LIMK1: variants seen among roughly 807,000 people sequenced by gnomAD.
LIMK1 encodes the protein LIM domain kinase 1.
A neutral mutation model predicts 77.6 loss-of-function variants in LIMK1; 21 were observed. The ratio of observed to expected loss-of-function variants is 0.27; its 90% confidence interval spans 0.19 to 0.39. The LOEUF is 0.39. Ranked by LOEUF, LIMK1 falls within the 10% of genes least tolerant of loss-of-function variation. The pLI, the probability that LIMK1 is intolerant of heterozygous loss-of-function variation, is 1.00. For synonymous variants in LIMK1, 358 were observed against 370.0 expected (o/e 0.97, Z 0.37); for missense variants, 696 against 901.6 (o/e 0.77, Z 2.92).
chr7:74,114,148 A>C (rs1418739612), intron 12 of LIMK1, among the ~76,000 whole-genome samples: 2 of 151,660 alleles, frequency 1.3e-5, no homozygotes, highest in African/African-American at 4.8e-5. Context: ...TACTCATGAG[A>C]CTGAGGCAGA....
rs146381292 is a variant in LIMK1 at position 74,102,649 on chromosome 7, A to G, written c.609-3226A>G. 1.7e-3 allele frequency among the ~76,000 whole-genome samples: 253 copies of G among 151,252 alleles called. 1 individual carries two copies. Among genetic ancestry groups the G allele is most frequent in the African/African-American group, 6.0e-3 (249 of 41,358 alleles). On this transcript the variant is annotated intron_variant, in intron 5 of 15. Coordinates refer to ENST00000336180, the MANE Select transcript of LIMK1 (RefSeq NM_002314.4). ...CAGGCACGGGCCACCACGCCTGGCT[A>G]GGCATTCTGTTATGTAATTATCAAT... is the stretch of plus-strand genomic sequence containing the variant.
chr7:74,087,389 G>A (rs1283929190), intron 2 of LIMK1, among the ~76,000 whole-genome samples: 1 of 152,076 alleles, frequency 6.6e-6, no homozygotes. Flanking sequence ...GGGCAATAGA[G>A]CGAGACCCAG....
intron 1 of LIMK1, among the ~76,000 whole-genome samples, chr7:74,084,982 G>C (rs575740043): frequency 3.3e-5 from 5 of 152,334 alleles, no homozygotes; most frequent in African/African-American, 9.6e-5. Context: ...GGGTCAGGCT[G>C]TTGTGGCCTT....
intron 5 of LIMK1, among the ~76,000 whole-genome samples, chr7:74,104,249 C>T (rs1799522314): frequency 6.6e-6 from 1 of 150,880 alleles, no homozygotes; most frequent in Non-Finnish European, 1.5e-5. Flanking sequence ...TCTTAAAGTT[C>T]TCAGTCTCCT....
At chr7:74,104,598 C>T (rs1799528834) in intron 5 of LIMK1, among the ~76,000 whole-genome samples, 1 of 151,486 alleles carries the variant, frequency 6.6e-6, no homozygotes, top group African/African-American at 2.4e-5. Flanking sequence ...GCACTCCAGC[C>T]TGGGCAACAA....
At chr7:74,084,456 C>T (rs1799092702) in intron 1 of LIMK1, among the ~76,000 whole-genome samples, 1 of 152,208 alleles carries the variant, frequency 6.6e-6, no homozygotes, top group South Asian at 2.1e-4. Context: ...GGCGCCTGCC[C>T]GGCTCTGTGA....
chr7:74,086,652 G>A (rs781973484), intron 2 of LIMK1, among the ~76,000 whole-genome samples: 2 of 152,086 alleles, frequency 1.3e-5, no homozygotes, highest in East Asian at 1.9e-4. Context: ...GTGAGCTAAC[G>A]CCTTGGCCTC....
chr7:74,121,095 C>T (rs1372614983), intron 15 of LIMK1, 44 bp from the exon 16 acceptor site: 1 of 1,600,298 alleles, frequency 6.2e-7, no homozygotes, highest in Non-Finnish European at 8.5e-7. Flanking sequence ...GGGCCGATTC[C>T]CGGGACAGCC....
chr7:74,084,100 G>C (rs1799083610), intron 1 of LIMK1, 55 bp downstream of exon 1: 6 of 1,057,580 alleles, frequency 5.7e-6, no homozygotes, highest in East Asian at 6.4e-5. Flanking sequence ...CCGGGGCAGC[G>C]TGGGGCACGG....
chr7:74,102,458 A>AGAT (rs1396170197), intron 5 of LIMK1, among the ~76,000 whole-genome samples: 2 of 109,702 alleles, frequency 1.8e-5, no homozygotes, highest in Non-Finnish European at 3.9e-5. Context: ...CAATTATGCT[A>AGAT]GATATTCTCA....
intron 12 of LIMK1, 31 bp from the exon 13 acceptor site, chr7:74,115,771 G>A (rs369671440): frequency 9.8e-5 from 158 of 1,609,518 alleles, no homozygotes; most frequent in Non-Finnish European, 1.3e-4. Flanking sequence ...CTAGGATCGG[G>A]TCCCAGCATG....
chr7:74,120,817 C>T (rs1554700414), intron 14 of LIMK1, 75 bp from the exon 15 acceptor site: 1 of 1,599,762 alleles, frequency 6.3e-7, no homozygotes, highest in Non-Finnish European at 8.6e-7. Flanking sequence ...CACCTGCCCT[C>T]AAACCACCTG....
Position 74,118,281 on chromosome 7 carries a change from G to A in LIMK1, c.1568-2302G>A, listed in dbSNP as rs192050891. 2.3e-3 allele frequency among the ~76,000 whole-genome samples: 352 copies of A among 151,400 alleles called. 2 individuals are homozygous for A. The highest frequency in any genetic ancestry group is 6.3e-3 in the South Asian group (30 of 4,768). On this transcript the variant is annotated intron_variant, in intron 13 of 15. Coordinates refer to ENST00000336180, the MANE Select transcript of LIMK1 (RefSeq NM_002314.4). ...AGTCCCAGCTACCCGGGAGGCTGAG[G>A]CAGGAGAATGATGTGAACCCAGGAG...
At chr7:74,104,633 A>G (rs11762059) in intron 5 of LIMK1, among the ~76,000 whole-genome samples, 16,076 of 152,090 alleles carry the variant, frequency 0.11, 867 homozygotes, top group Non-Finnish European at 0.12. Context: ...CTCAAAAAAA[A>G]AAAAGAAAAG....
In LIMK1 at chr7:74,121,328, C is replaced by T. The variant is rs1554700602; in HGVS notation, c.*27C>T. ...CCAGGGCCACTCAGCTGCCCCTGTCCCCACCTCTGGAGAATCCACCCCCAC... is the reference window on the plus strand; with the variant it reads ...CCAGGGCCACTCAGCTGCCCCTGTCTCCACCTCTGGAGAATCCACCCCCAC... On this transcript the variant is annotated 3_prime_UTR_variant, in exon 16 of 16. Transcript: ENST00000336180. The T allele has an allele frequency of 6.5e-7, 1 of 1,544,172 alleles. No homozygotes were observed. The highest frequency in any genetic ancestry group is 8.7e-7 in the Non-Finnish European group (1 of 1,147,630).
Position 74,116,062 on chromosome 7 carries a change from C to G in LIMK1, c.1567+104C>G, listed in dbSNP as rs952181609. 3 of 1,243,244 alleles carry G rather than the reference C, an allele frequency of 2.4e-6. No homozygotes were observed. The African/African-American group carries it at 4.5e-5, about 19-fold the overall frequency. 77.0% of individuals were successfully genotyped at this position (1,243,244 alleles called of 1,614,324 possible). On this transcript the variant is annotated intron_variant, in intron 13 of 15. Coordinates refer to ENST00000336180, the MANE Select transcript of LIMK1 (RefSeq NM_002314.4). ...CCCTGGCCCCTCCCAGCCTCCTTGG[C>G]TCTTCAGTTACCCTGTGGGTCCTGT...
chr7:74,109,261 A>T (rs1458927651), intron 10 of LIMK1: 4 of 491,532 alleles, frequency 8.1e-6, no homozygotes, highest in African/African-American at 7.8e-5. Context: ...TTGGGAGCCC[A>T]AGGCAAGAGG....
chr7:74,096,326 C>T (rs1799336237), intron 2 of LIMK1, among the ~76,000 whole-genome samples: 2 of 151,598 alleles, frequency 1.3e-5, no homozygotes, highest in Non-Finnish European at 2.9e-5. Flanking sequence ...ATGGTGAAAC[C>T]CCATCTCTAC....
At chr7:74,096,967 C>T (rs986786210) in intron 3 of LIMK1, 113 bp from the exon 4 acceptor site, 26 of 1,038,004 alleles carry the variant, frequency 2.5e-5, no homozygotes, top group East Asian at 5.2e-5. Context: ...GCTGGCCAGC[C>T]GGGTCCCTGC....
Sources: gnomAD v4.1 joint callset for allele counts (sites outside exome capture counted in the v4.1 genomes callset) on GRCh38, gnomAD v4.1.1 for gene constraint, MANE v1.5 for transcripts, NCBI Gene and HGNC (gene_info 2026-07-23, HGNC 2026-07-21) for gene names.